The following GOLGB1 variants were observed in gnomAD, a reference collection of about 807,000 sequenced individuals.
GOLGB1 encodes the protein golgin subfamily B member 1.
A neutral mutation model predicts 336.9 loss-of-function variants in GOLGB1; 174 were observed. That is an observed-to-expected ratio of 0.52 (90% CI 0.46 to 0.59). The LOEUF is 0.59. Ranked by LOEUF, GOLGB1 falls within the 20% of genes least tolerant of loss-of-function variation. The pLI, the probability that GOLGB1 is intolerant of heterozygous loss-of-function variation, is 0.00. For missense variants in GOLGB1, 3,331 were observed against 3,645.3 expected (o/e 0.91, Z 2.22); for synonymous variants, 1,208 against 1,289.2 (o/e 0.94, Z 1.35).
chr3:121,748,082 A>G (rs1947493541), intron 1 of GOLGB1, among the ~76,000 whole-genome samples: 1 of 150,634 alleles, frequency 6.6e-6, no homozygotes, highest in South Asian at 2.1e-4. Context: ...GGGCCTATAA[A>G]ACTCAAGCAG....
intron 17 of GOLGB1, among the ~76,000 whole-genome samples, chr3:121,673,605 G>C (rs1415011510): frequency 2.0e-5 from 3 of 151,976 alleles, no homozygotes; most frequent in African/African-American, 7.3e-5. Context: ...TTCTTTCACA[G>C]TGTTTTATAA....
At chr3:121,738,143 G>A (rs915679415) in intron 1 of GOLGB1, among the ~76,000 whole-genome samples, 2 of 152,126 alleles carry the variant, frequency 1.3e-5, no homozygotes, top group Admixed American at 6.5e-5. Flanking sequence ...CATCACTAAA[G>A]AGTTTCTTAA....
In GOLGB1 at chr3:121,708,134, CAAAT is replaced by C. The variant is rs374853959; in HGVS notation, c.1405-5543_1405-5540del. On this transcript the variant is annotated intron_variant, in intron 10 of 21. Coordinates refer to ENST00000614479, the MANE Select transcript of GOLGB1 (RefSeq NM_001366282.2). ...ACTAAACAAACATTAGGATGAATCT[CAAAT>C]AAGTATGCTGAGTAAAATAAGCCAA... Among the ~76,000 whole-genome samples the C allele has an allele frequency of 1.3e-3, 191 of 152,218 alleles. 1 individual carries two copies. The highest frequency in any genetic ancestry group is 4.3e-3 in the African/African-American group (179 of 41,532).
At chr3:121,676,862 A>G in intron 17 of GOLGB1, 31 bp downstream of exon 17, 2 of 1,603,552 alleles carry the variant, frequency 1.2e-6, no homozygotes, top group Non-Finnish European at 1.7e-6. Context: ...GAAAAAAGAA[A>G]CTGAATTCCA....
chr3:121,719,812 A>G, intron 6 of GOLGB1, 44 bp from the exon 7 acceptor site: 1 of 1,503,946 alleles, frequency 6.6e-7, no homozygotes, highest in Non-Finnish European at 8.9e-7. Context: ...ACACTCCCCG[A>G]ATATTGCACA....
chr3:121,738,571 C>T (rs966508657), intron 1 of GOLGB1, among the ~76,000 whole-genome samples: 6 of 152,246 alleles, frequency 3.9e-5, no homozygotes, highest in South Asian at 2.1e-4. Context: ...CTGGCAAATG[C>T]GCCAAGCCAA....
intron 21 of GOLGB1, 26 bp downstream of exon 21, chr3:121,664,900 C>T: frequency 7.4e-7 from 1 of 1,345,310 alleles, no homozygotes; most frequent in Non-Finnish European, 1.1e-6. Context: ...AATAAAACAC[C>T]CTCTCTTTAT....
At chr3:121,693,317 T>C (rs1025639927) in intron 13 of GOLGB1, among the ~76,000 whole-genome samples, 1 of 152,102 alleles carries the variant, frequency 6.6e-6, no homozygotes, top group African/African-American at 2.4e-5. Flanking sequence ...TGAAACCCCC[T>C]CTCTACTAAA....
intron 7 of GOLGB1, among the ~76,000 whole-genome samples, chr3:121,719,275 T>C (rs1945003154): frequency 6.6e-6 from 1 of 152,220 alleles, no homozygotes; most frequent in African/African-American, 2.4e-5. Flanking sequence ...TTCAAAATCA[T>C]TCTTTGTCTT....
Position 121,695,988 on chromosome 3 carries a change from G to A in GOLGB1, c.4535C>T (p.Ser1512Phe). Residue 1512 changes from serine to phenylalanine, a missense_variant, in exon 13 of 22, where the codon TCT becomes TTT. Transcript: ENST00000614479. Reference sequence around the variant, plus strand: ...ACGTTCAATGGTACCTCTGGCCAAAGACAATTCCTCTTGGAGACTTTTGTT... The same window carrying A: ...ACGTTCAATGGTACCTCTGGCCAAAAACAATTCCTCTTGGAGACTTTTGTT... Reference protein sequence around the residue: ...KENKSLQEELSLARGTIERLT... With the variant: ...KENKSLQEELFLARGTIERLT... 1 of 1,614,106 alleles carries A rather than the reference G, an allele frequency of 6.2e-7. No homozygotes were observed. The highest frequency in any genetic ancestry group is 8.5e-7 in the Non-Finnish European group (1 of 1,179,990).
At chr3:121,683,953 C>A (rs1045688254) in intron 14 of GOLGB1, among the ~76,000 whole-genome samples, 1 of 151,366 alleles carries the variant, frequency 6.6e-6, no homozygotes, top group African/African-American at 2.4e-5. Context: ...CATGGTGAAA[C>A]CCTGTCTCTG....
intron 3 of GOLGB1, 102 bp from the exon 4 acceptor site, chr3:121,729,442 ATC>A: frequency 1.0e-6 from 1 of 961,112 alleles, no homozygotes; most frequent in Non-Finnish European, 1.6e-6. Context: ...GAGACAGGGT[ATC>A]TCTCTGTTAC....
chr3:121,682,198 TGGGTGG>T (rs1305836369), intron 14 of GOLGB1, among the ~76,000 whole-genome samples: 1 of 152,204 alleles, frequency 6.6e-6, no homozygotes, highest in Non-Finnish European at 1.5e-5. Flanking sequence ...AGCTTCACTG[TGGGTGG>T]TCACATCCTA....
intron 2 of GOLGB1, chr3:121,730,232 G>A: frequency 2.0e-5 from 8 of 402,438 alleles, no homozygotes; most frequent in South Asian, 1.7e-4. Flanking sequence ...TCCCATTTAA[G>A]GTATTATTAT....
rs750692246 is a variant in GOLGB1, at chr3:121,695,417, G to A, written c.5106C>T (p.Asp1702=). Residue 1702 remains aspartate, a synonymous_variant, in exon 13 of 22, where the codon GAC becomes GAT. Coordinates refer to ENST00000614479, the MANE Select transcript of GOLGB1 (RefSeq NM_001366282.2). ...CAGGGTGCACCTCTGCCCTAAGCCG[G>A]TCATTCTCTTCTTCCAGCTCTAGGA... The part of the protein sequence containing the change: ...QKILELEEEN[D]RLRAEVHPAG... 2 of 1,613,980 alleles carry A rather than the reference G, an allele frequency of 1.2e-6. No homozygotes were observed. The highest frequency in any genetic ancestry group is 2.2e-5 in the South Asian group (2 of 91,072).
chr3:121,719,381 G>A (rs1945009788), intron 7 of GOLGB1, among the ~76,000 whole-genome samples: 1 of 152,136 alleles, frequency 6.6e-6, no homozygotes, highest in East Asian at 1.9e-4. Context: ...GAAAACTGAA[G>A]AGAAACCAAT....
chr3:121,718,603 T>C, intron 7 of GOLGB1, 102 bp from the exon 8 acceptor site: 1 of 830,928 alleles, frequency 1.2e-6, no homozygotes, highest in Non-Finnish European at 2.0e-6. Context: ...AATTTTGGGG[T>C]GTTGAAAATG....
At chr3:121,708,379 C>T (rs890831851) in intron 10 of GOLGB1, among the ~76,000 whole-genome samples, 1 of 152,060 alleles carries the variant, frequency 6.6e-6, no homozygotes, top group Admixed American at 6.6e-5. Flanking sequence ...TACCTGTAAT[C>T]CCAGCACTTC....
chr3:121,692,619 G>GA lies in GOLGB1; in HGVS notation c.6783-39dup, dbSNP rs747239723. ...GAAGGTCATTAGTTACAGATTTCAA[G>GA]AAAAAAACTGTGTTTCCCAAGGAAC... On this transcript the variant is annotated intron_variant, in intron 13 of 21. Coordinates refer to ENST00000614479, the MANE Select transcript of GOLGB1 (RefSeq NM_001366282.2). 9.9e-6 allele frequency: 12 copies of GA among 1,218,268 alleles called. No homozygotes were observed. The South Asian group carries it at 1.3e-4, about 14-fold the overall frequency. 75.5% of individuals were successfully genotyped at this position (1,218,268 alleles called of 1,614,324 possible).
Sources: gnomAD v4.1 joint callset for allele counts (sites outside exome capture counted in the v4.1 genomes callset) on GRCh38, gnomAD v4.1.1 for gene constraint, MANE v1.5 for transcripts, NCBI Gene and HGNC (gene_info 2026-07-23, HGNC 2026-07-21) for gene names.